The following AJAP1 variants were observed in gnomAD, a reference collection of about 807,000 sequenced individuals.
The protein encoded by AJAP1 is adherens junction-associated protein 1.
Under a neutral mutation model 35.0 loss-of-function variants are expected in AJAP1, and 5 were observed. That is an observed-to-expected ratio of 0.14 (90% CI 0.07 to 0.30). AJAP1 has a LOEUF of 0.30. AJAP1 is among the 10% of genes least tolerant of loss of function. AJAP1 has a pLI of 1.00. For missense variants in AJAP1, 586 were observed against 571.0 expected, an observed-to-expected ratio of 1.03 and a Z score of -0.27; for synonymous variants, 284 against 249.3, an observed-to-expected ratio of 1.14 and a Z score of -1.31.
In AJAP1 at chr1:4,692,940, T is replaced by C. The variant is rs1309388701; in HGVS notation, c.30-18960T>C. On this transcript the variant is annotated intron_variant, in intron 1 of 5. Transcript: ENST00000378191. The surrounding 1 kb of genome is among the most constrained non-coding windows in gnomAD (Gnocchi z 4.4). ...GCCCCATTCTGGAACCCAGTGCTCA[T>C]TGCAGCTGCTTTATTAGGTGGCTAT... 1.3e-5 allele frequency among the ~76,000 whole-genome samples: 2 copies of C among 152,350 alleles called. No individual in the cohort carries two copies. Among genetic ancestry groups the C allele is most frequent in the East Asian group, 1.9e-4 (1 of 5,184 alleles).
chr1:4,770,015 C>A (rs1641799784), intron 3 of AJAP1, 75 bp downstream of exon 3: 2 of 1,305,738 alleles, frequency 1.5e-6, no homozygotes, highest in Admixed American at 1.7e-5. Context: ...ACAGAAAGGC[C>A]CCTACTTTTC....
At chr1:4,775,009 C>A (rs750229088) in intron 5 of AJAP1, among the ~76,000 whole-genome samples, 21 of 151,834 alleles carry the variant, frequency 1.4e-4, no homozygotes, top group Non-Finnish European at 2.4e-4. Context: ...GGGCGCAAGG[C>A]AGAATTAAAA....
intron 1 of AJAP1, among the ~76,000 whole-genome samples, chr1:4,660,107 A>G (rs915588167): frequency 1.3e-5 from 2 of 152,136 alleles, no homozygotes; most frequent in African/African-American, 4.8e-5. Context: ...ACACCACCAC[A>G]CCACCAGAGC....
At chr1:4,669,381 C>T (rs1424564473) in intron 1 of AJAP1, among the ~76,000 whole-genome samples, 1 of 152,166 alleles carries the variant, frequency 6.6e-6, no homozygotes, top group Non-Finnish European at 1.5e-5. Flanking sequence ...ACTCACAGTT[C>T]CGCATGGCTG....
chr1:4,710,294 G>A (rs563787504), intron 1 of AJAP1, among the ~76,000 whole-genome samples: 2 of 151,930 alleles, frequency 1.3e-5, no homozygotes, highest in South Asian at 2.1e-4. Context: ...TCTCACACAC[G>A]CACCAAATAC....
intron 2 of AJAP1, among the ~76,000 whole-genome samples, chr1:4,767,245 C>A (rs1401676530): frequency 6.6e-6 from 1 of 152,006 alleles, no homozygotes; most frequent in Non-Finnish European, 1.5e-5. Context: ...ATCACCATCA[C>A]CATTATCATA....
intron 1 of AJAP1, among the ~76,000 whole-genome samples, chr1:4,658,072 C>T (rs1231016323): frequency 6.6e-6 from 1 of 152,096 alleles, no homozygotes; most frequent in Admixed American, 6.5e-5. Context: ...GCAAGCAGCC[C>T]AGAGTTTGGA....
chr1:4,672,638 C>T (rs955285076), intron 1 of AJAP1, among the ~76,000 whole-genome samples: 4 of 152,154 alleles, frequency 2.6e-5, no homozygotes, highest in African/African-American at 9.7e-5. Flanking sequence ...GTGGCTGGGT[C>T]TGCCTGGTGC....
At chr1:4,773,332 G>C (rs531197371) in intron 4 of AJAP1, among the ~76,000 whole-genome samples, 1 of 152,318 alleles carries the variant, frequency 6.6e-6, no homozygotes, top group African/African-American at 2.4e-5. Flanking sequence ...AGTTGTTTTA[G>C]AAAGGGCTGG....
intron 1 of AJAP1, among the ~76,000 whole-genome samples, chr1:4,668,084 A>G (rs1570090476): frequency 1.3e-5 from 2 of 152,176 alleles, no homozygotes; most frequent in East Asian, 3.9e-4. Flanking sequence ...GCGTGGTGGT[A>G]TATGCTTGTA....
chr1:4,691,136 G>C (rs567363932), intron 1 of AJAP1, among the ~76,000 whole-genome samples: 2 of 152,316 alleles, frequency 1.3e-5, no homozygotes, highest in African/African-American at 4.8e-5. Context: ...GCTTATGGTC[G>C]TGACTAAGCT....
At chr1:4,747,475 C>T (rs535128265) in intron 2 of AJAP1, among the ~76,000 whole-genome samples, 26 of 152,272 alleles carry the variant, frequency 1.7e-4, no homozygotes, top group Admixed American at 4.6e-4. Context: ...TTTCAAAATC[C>T]CCATCCTCCA....
intron 5 of AJAP1, among the ~76,000 whole-genome samples, chr1:4,778,103 G>T (rs556322695): frequency 6.6e-6 from 1 of 152,020 alleles, no homozygotes; most frequent in Non-Finnish European, 1.5e-5. Context: ...CACCCAGTGC[G>T]CCACTGCGTA....
chr1:4,708,952 A>C (rs1349848781), intron 1 of AJAP1, among the ~76,000 whole-genome samples: 2 of 152,220 alleles, frequency 1.3e-5, no homozygotes, highest in African/African-American at 2.4e-5. Flanking sequence ...AGGAAAAACA[A>C]ATCGACCTCT....
At chr1:4,731,386 G>A (rs996512164) in intron 2 of AJAP1, among the ~76,000 whole-genome samples, 2 of 152,156 alleles carry the variant, frequency 1.3e-5, no homozygotes, top group African/African-American at 4.8e-5. Flanking sequence ...TGGCCTGATT[G>A]TGTTTTTTAA....
chr1:4,672,157 G>A (rs542472737), intron 1 of AJAP1, among the ~76,000 whole-genome samples: 1 of 152,340 alleles, frequency 6.6e-6, no homozygotes. Context: ...GCTCAAGAAT[G>A]GACTGGGAGG....
intron 1 of AJAP1, among the ~76,000 whole-genome samples, chr1:4,659,489 A>C (rs978156753): frequency 1.3e-5 from 2 of 152,142 alleles, no homozygotes; most frequent in Non-Finnish European, 2.9e-5. Context: ...GCCTCGGAGC[A>C]GGGAGTGGTG....
chr1:4,719,761 C>T (rs968799616), intron 2 of AJAP1, among the ~76,000 whole-genome samples: 10 of 152,130 alleles, frequency 6.6e-5, no homozygotes, highest in South Asian at 2.1e-4. Context: ...GGAGCGGGAA[C>T]GATGGTTTTG....
At chr1:4,675,281 G>C (rs1238242150) in intron 1 of AJAP1, among the ~76,000 whole-genome samples, 1 of 152,244 alleles carries the variant, frequency 6.6e-6, no homozygotes, top group African/African-American at 2.4e-5. Context: ...CATACTCACA[G>C]TAATGGTTTA....
Sources: allele counts gnomAD v4.1 joint callset (sites outside exome capture counted in the v4.1 genomes callset), GRCh38; gene constraint gnomAD v4.1.1; non-coding constraint Gnocchi (gnomAD v3.1); transcripts MANE v1.5; gene names NCBI Gene and HGNC (gene_info 2026-07-23, HGNC 2026-07-21).